Variants in DOCK10 observed in about 807,000 individuals in gnomAD.
DOCK10 encodes dedicator of cytokinesis protein 10.
In DOCK10, 145 loss-of-function variants were observed where a neutral mutation model predicts 280.1. The observed-to-expected ratio is 0.52, with a 90% CI of 0.45 to 0.59. The LOEUF is 0.59. Ranked by LOEUF, DOCK10 falls within the 20% of genes least tolerant of loss-of-function variation. The pLI is 0.00. For missense variants in DOCK10, 2,368 were observed against 2,651.7 expected, an observed-to-expected ratio of 0.89 and a Z score of 2.35; for synonymous variants, 915 against 942.2, an observed-to-expected ratio of 0.97 and a Z score of 0.53.
chr2:224,971,092 G>A (rs1235299833), intron 1 of DOCK10, among the ~76,000 whole-genome samples: 1 of 152,188 alleles, frequency 6.6e-6, no homozygotes. Context: ...TCATCTTCCA[G>A]TGAGGCAGCT....
At chr2:224,929,173 T>G (rs1702191328) in intron 2 of DOCK10, among the ~76,000 whole-genome samples, 1 of 152,226 alleles carries the variant, frequency 6.6e-6, no homozygotes, top group Non-Finnish European at 1.5e-5. Flanking sequence ...CTCATAGAAT[T>G]GGTCTTTATC....
chr2:224,806,311 C>A, intron 33 of DOCK10, 74 bp from the exon 34 acceptor site: 1 of 724,462 alleles, frequency 1.4e-6, no homozygotes. Context: ...ATGCCTTCTT[C>A]GTTACACTTC....
At chr2:224,848,630 G>A (rs912335027) in intron 19 of DOCK10, among the ~76,000 whole-genome samples, 1 of 152,184 alleles carries the variant, frequency 6.6e-6, no homozygotes, top group Middle Eastern at 3.2e-3. Flanking sequence ...TGGAATTACT[G>A]TGGGGATTAA....
chr2:224,823,743 T>C, intron 27 of DOCK10, 96 bp from the exon 28 acceptor site: 2 of 1,189,180 alleles, frequency 1.7e-6, no homozygotes, highest in South Asian at 1.9e-5. Flanking sequence ...TTATAGGTCA[T>C]TAAAGAAAAA....
At chr2:224,864,529 G>T in intron 13 of DOCK10, 24 bp downstream of exon 13, 2 of 1,523,018 alleles carry the variant, frequency 1.3e-6, no homozygotes, top group South Asian at 1.3e-5. Context: ...AGGAAGTGAA[G>T]TTATTTATAA....
intron 50 of DOCK10, among the ~76,000 whole-genome samples, chr2:224,779,494 G>A (rs1466097925): frequency 6.6e-6 from 1 of 152,124 alleles, no homozygotes. Context: ...GGGATTACAG[G>A]CTATATCTGG....
In DOCK10 at chr2:224,790,212, T is replaced by A. The variant is rs536343245; in HGVS notation, c.5312-1042A>T. Among the ~76,000 whole-genome samples, 4 of 152,358 alleles carry A rather than the reference T, an allele frequency of 2.6e-5. 1 individual carries two copies. The highest frequency in any genetic ancestry group is 7.2e-5 in the African/African-American group (3 of 41,582). ...GAAAACAGTTGATAATGGGTAACAT[T>A]CCCAGAGGAGAGATAGATCTGAATT... On this transcript the variant is annotated intron_variant, in intron 47 of 55. Coordinates refer to ENST00000258390, the MANE Select transcript of DOCK10 (RefSeq NM_014689.3).
intron 3 of DOCK10, among the ~76,000 whole-genome samples, chr2:224,897,788 G>T (rs952701217): frequency 6.6e-6 from 1 of 152,116 alleles, no homozygotes; most frequent in Non-Finnish European, 1.5e-5. Flanking sequence ...TCATATAGTG[G>T]TACGTAATGA....
rs1410546214 is a variant in DOCK10, at chr2:224,786,548, C to T, written c.5655+474G>A. Among the ~76,000 whole-genome samples, 1 of 152,098 alleles carries T rather than the reference C, an allele frequency of 6.6e-6. No homozygotes were observed. Among genetic ancestry groups the T allele is most frequent in the Non-Finnish European group, 1.5e-5 (1 of 68,014 alleles). On this transcript the variant is annotated intron_variant, in intron 50 of 55. Coordinates refer to ENST00000258390, the MANE Select transcript of DOCK10 (RefSeq NM_014689.3). The surrounding 1 kb of genome is among the most constrained non-coding windows in gnomAD (Gnocchi z 4.7). ...ACAAAATAACCATCTGGTATTTTGTCTAGAAACAGTGGTAGTTCGAAAATA... is the reference window on the plus strand; with the variant it reads ...ACAAAATAACCATCTGGTATTTTGTTTAGAAACAGTGGTAGTTCGAAAATA...
rs76994733 is a variant in DOCK10, at chr2:224,991,799, G to C, written c.123+50453C>G. 7.6e-3 allele frequency among the ~76,000 whole-genome samples: 1,159 copies of C among 152,268 alleles called. 21 individuals are homozygous for C. Among genetic ancestry groups the C allele is most frequent in the African/African-American group, 0.027 (1,118 of 41,538 alleles). On this transcript the variant is annotated intron_variant, in intron 1 of 55. Transcript: ENST00000258390. ...AAAAATCAATATACACAGTATCTGG[G>C]ACTAATCCCCGTTCGGGGCGGTAAA...
chr2:224,854,221 CT>C (rs1216239873), intron 16 of DOCK10, among the ~76,000 whole-genome samples: 250 of 144,486 alleles, frequency 1.7e-3, no homozygotes, highest in Middle Eastern at 3.6e-3. Flanking sequence ...GGCCTTTATT[CT>C]TTTTTTTTTT....
rs1201609470 is a variant in DOCK10 at position 224,921,112 on chromosome 2, AAT to A, written c.244-4330_244-4329del. Among the ~76,000 whole-genome samples the A allele has an allele frequency of 1.1e-3, 58 of 54,414 alleles. 1 individual carries two copies. The highest frequency in any genetic ancestry group is 8.4e-3 in the South Asian group (13 of 1,554). The allele number at this position is 54,414 out of a possible 152,430, so 35.7% of individuals were successfully genotyped here. A position where few individuals can be genotyped will look rare whatever the true frequency, so the allele number is the denominator to read the frequency against. ...TCTATTAAAAAAAAAAAAAAAAAAA[AAT>A]ATATATATATATATATATATAATGT... On this transcript the variant is annotated intron_variant, in intron 2 of 55. Transcript: ENST00000258390.
intron 45 of DOCK10, 72 bp downstream of exon 45, chr2:224,794,807 G>T: frequency 6.8e-7 from 1 of 1,462,540 alleles, no homozygotes; most frequent in Non-Finnish European, 9.5e-7. Flanking sequence ...AGTCCATGCT[G>T]TAAATGAAAA....
At chr2:224,988,009 TTGG>T (rs886522671) in intron 1 of DOCK10, among the ~76,000 whole-genome samples, 2 of 152,160 alleles carry the variant, frequency 1.3e-5, no homozygotes, top group African/African-American at 4.8e-5. Context: ...TTTCAGGATA[TTGG>T]TGGGAAGAGA....
chr2:224,956,732 AG>A (rs1704066719), intron 1 of DOCK10, among the ~76,000 whole-genome samples: 1 of 151,990 alleles, frequency 6.6e-6, no homozygotes, highest in African/African-American at 2.4e-5. Flanking sequence ...TTCACCTAAT[AG>A]TTTTCTTAGG....
intron 50 of DOCK10, among the ~76,000 whole-genome samples, chr2:224,783,923 C>A (rs1263873443): frequency 6.6e-6 from 1 of 152,168 alleles, no homozygotes; most frequent in Non-Finnish European, 1.5e-5. Context: ...TAAATGCTTT[C>A]TCTTTCCAGC....
intron 1 of DOCK10, among the ~76,000 whole-genome samples, chr2:224,944,233 G>T (rs944831788): frequency 1.3e-5 from 2 of 152,172 alleles, no homozygotes; most frequent in African/African-American, 4.8e-5. Flanking sequence ...TCAGCTTAAT[G>T]CAGTTCAGAA....
At position 224,855,087 on chromosome 2, in the gene DOCK10, A is replaced by ACACACACG. The variant is rs1553598418; in HGVS notation, c.1809-46_1809-45insCGTGTGTG. ...AGGACACACACACACACACACACAC[A>ACACACACG]CACACACACACACAGAGTATTATTC... On this transcript the variant is annotated intron_variant, in intron 15 of 55. Coordinates refer to ENST00000258390, the MANE Select transcript of DOCK10 (RefSeq NM_014689.3). 10 of 1,200,302 alleles carry ACACACACG rather than the reference A, an allele frequency of 8.3e-6. No homozygotes were observed. In the African/African-American group the frequency reaches 1.5e-4, roughly 18 times the overall value. The allele number at this position is 1,200,302 out of a possible 1,614,324, so 74.4% of individuals were successfully genotyped here. A position where few individuals can be genotyped will look rare whatever the true frequency, so the allele number is the denominator to read the frequency against.
intron 48 of DOCK10, 92 bp downstream of exon 48, chr2:224,788,972 C>A: frequency 1.4e-6 from 1 of 740,102 alleles, no homozygotes; most frequent in Non-Finnish European, 2.3e-6. Flanking sequence ...TATAAAATAG[C>A]TGTAAGCTTG....
Sources: gnomAD v4.1 joint callset for allele counts (sites outside exome capture counted in the v4.1 genomes callset) on GRCh38, gnomAD v4.1.1 for gene constraint, Gnocchi (gnomAD v3.1) non-coding constraint, MANE v1.5 for transcripts, NCBI Gene and HGNC (gene_info 2026-07-23, HGNC 2026-07-21) for gene names.